FHL2: variants seen among roughly 807,000 people sequenced by gnomAD.
The protein encoded by FHL2 is four and a half LIM domains 2.
In FHL2, 20 loss-of-function variants were observed where a neutral mutation model predicts 32.7. The ratio of observed to expected loss-of-function variants is 0.61; its 90% CI spans 0.43 to 0.89. FHL2 has a LOEUF of 0.89. FHL2 is among the 40% of genes least tolerant of loss of function. The pLI is 0.00. For missense variants in FHL2, 311 were observed against 358.6 expected (o/e 0.87, Z 1.07); for synonymous variants, 123 against 128.1 (o/e 0.96, Z 0.27).
intron 4 of FHL2, among the ~76,000 whole-genome samples, chr2:105,370,535 A>G (rs1228128787): frequency 6.6e-6 from 1 of 152,128 alleles, no homozygotes; most frequent in African/African-American, 2.4e-5. Flanking sequence ...TACTGATGGT[A>G]TTCCAGTTTC....
intron 1 of FHL2, among the ~76,000 whole-genome samples, chr2:105,411,392 G>A (rs564671581): frequency 6.3e-4 from 96 of 151,990 alleles, no homozygotes; most frequent in Middle Eastern, 3.4e-3. Context: ...AAAGTATAAT[G>A]TACAATTTTT....
intron 3 of FHL2, among the ~76,000 whole-genome samples, chr2:105,376,910 C>CTT (rs143532441): frequency 0.01 from 1,569 of 152,318 alleles, 23 homozygotes; most frequent in African/African-American, 0.036. Flanking sequence ...AACGACAAAT[C>CTT]GGTCACAAAA....
At chr2:105,396,056 A>C (rs1382776006) in intron 2 of FHL2, among the ~76,000 whole-genome samples, 1 of 152,228 alleles carries the variant, frequency 6.6e-6, no homozygotes, top group Non-Finnish European at 1.5e-5. Flanking sequence ...CAAATCTTAA[A>C]AAAAGGGAGA....
intron 1 of FHL2, among the ~76,000 whole-genome samples, chr2:105,420,447 G>A (rs11689087): frequency 7.9e-5 from 12 of 152,152 alleles, no homozygotes; most frequent in East Asian, 7.7e-4. Context: ...CCCCATTTCC[G>A]AATAAGGCCA....
intron 1 of FHL2, among the ~76,000 whole-genome samples, chr2:105,425,977 C>T (rs7589419): frequency 6.6e-6 from 1 of 152,126 alleles, no homozygotes; most frequent in Non-Finnish European, 1.5e-5. Context: ...CTTTGTCTCT[C>T]TGTCTTATTT....
chr2:105,419,737 G>T (rs1304648952), intron 1 of FHL2, among the ~76,000 whole-genome samples: 1 of 152,060 alleles, frequency 6.6e-6, no homozygotes, highest in Admixed American at 6.6e-5. Flanking sequence ...AGCCTCTTTG[G>T]TTCTTCACTT....
intron 1 of FHL2, 58 bp downstream of exon 1, chr2:105,398,784 G>T (rs1573377557): frequency 1.5e-5 from 19 of 1,299,572 alleles, no homozygotes; most frequent in Non-Finnish European, 1.9e-5. Context: ...CTCCCCGCAC[G>T]GTTCGGGTCC....
At chr2:105,418,602 G>C (rs1365708582) in intron 1 of FHL2, among the ~76,000 whole-genome samples, 2 of 152,156 alleles carry the variant, frequency 1.3e-5, no homozygotes, top group African/African-American at 4.8e-5. Flanking sequence ...TACAACTGTG[G>C]ATAAAGTATG....
intron 1 of FHL2, among the ~76,000 whole-genome samples, chr2:105,397,494 A>T (rs1295092565): frequency 6.6e-6 from 1 of 152,160 alleles, no homozygotes; most frequent in African/African-American, 2.4e-5. Flanking sequence ...ATGTAAATTT[A>T]GGCAGCCTAC....
chr2:105,364,502 G>A (rs1178531914), intron 5 of FHL2, among the ~76,000 whole-genome samples: 1 of 152,234 alleles, frequency 6.6e-6, no homozygotes, highest in Non-Finnish European at 1.5e-5. Context: ...AAGCTGCAAA[G>A]CCACATGAGG....
At chr2:105,391,838 C>G (rs527356018) in intron 2 of FHL2, among the ~76,000 whole-genome samples, 12 of 152,228 alleles carry the variant, frequency 7.9e-5, no homozygotes, top group Non-Finnish European at 1.6e-4. Flanking sequence ...AATTCCTGCT[C>G]CTTAGCTGGT....
intron 3 of FHL2, among the ~76,000 whole-genome samples, chr2:105,384,665 G>A (rs1166678694): frequency 2.6e-5 from 4 of 152,136 alleles, no homozygotes; most frequent in Non-Finnish European, 5.9e-5. Context: ...GCACCACCAC[G>A]CCCAGCTAAT....
downstream of FHL2, chr2:105,358,181 T>C (rs914908124): frequency 1.3e-5 from 2 of 152,230 alleles, no homozygotes; most frequent in African/African-American, 4.8e-5. Flanking sequence ...GATGTCTTAT[T>C]GTTTTTGACA....
intron 1 of FHL2, among the ~76,000 whole-genome samples, chr2:105,410,525 C>T (rs1192443643): frequency 6.6e-6 from 1 of 152,142 alleles, no homozygotes; most frequent in African/African-American, 2.4e-5. Flanking sequence ...TGGTGCTAAG[C>T]TACCTACTAG....
intron 1 of FHL2, among the ~76,000 whole-genome samples, chr2:105,433,441 C>T (rs913457191): frequency 4.6e-4 from 70 of 152,308 alleles, no homozygotes; most frequent in African/African-American, 1.6e-3. Context: ...CTCGGCCTCC[C>T]AAAGTGCTGG....
chr2:105,364,211 A>G (rs1257378180), intron 5 of FHL2, among the ~76,000 whole-genome samples: 1 of 152,166 alleles, frequency 6.6e-6, no homozygotes, highest in Non-Finnish European at 1.5e-5. Context: ...AGCCAAGATC[A>G]TGCCACTGCA....
chr2:105,421,293 C>G (rs1428433390), intron 1 of FHL2, among the ~76,000 whole-genome samples: 2 of 152,180 alleles, frequency 1.3e-5, no homozygotes, highest in African/African-American at 4.8e-5. Flanking sequence ...GGCTTTGTGG[C>G]AATGTTCTGC....
chr2:105,424,994 C>T (rs1684215212), intron 1 of FHL2, among the ~76,000 whole-genome samples: 1 of 151,900 alleles, frequency 6.6e-6, no homozygotes, highest in Admixed American at 6.6e-5. Context: ...ACATTCCGTA[C>T]ATGTACCCCA....
intron 1 of FHL2, among the ~76,000 whole-genome samples, chr2:105,428,951 C>CAAT (rs1226356983): frequency 3.9e-5 from 6 of 152,194 alleles, no homozygotes; most frequent in Non-Finnish European, 7.3e-5. Context: ...GCTTAAAAGT[C>CAAT]AATAATATAT....
Sources: allele counts gnomAD v4.1 joint callset (sites outside exome capture counted in the v4.1 genomes callset), GRCh38; gene constraint gnomAD v4.1.1; transcripts MANE v1.5; gene names NCBI Gene and HGNC (gene_info 2026-07-23, HGNC 2026-07-21).